EXOC2: variants seen among roughly 807,000 people sequenced by gnomAD.
EXOC2 encodes the protein SEC5-like 1.
In EXOC2, 70 loss-of-function variants were observed where a neutral mutation model predicts 131.8. The observed-to-expected ratio is 0.53, with a 90% CI of 0.44 to 0.65. The LOEUF is 0.65. Ranked by LOEUF, EXOC2 falls within the 30% of genes least tolerant of loss-of-function variation. The probability of loss-of-function intolerance (pLI) is 0.00; values close to 1 mark genes in which losing one functional copy is unlikely to be tolerated. For synonymous variants in EXOC2, 411 were observed against 398.4 expected, an observed-to-expected ratio of 1.03 and a Z score of -0.38; for missense variants, 923 against 1,108.6, an observed-to-expected ratio of 0.83 and a Z score of 2.38.
chr6:577,078 G>C (rs1315712496), intron 11 of EXOC2, among the ~76,000 whole-genome samples, 196 bp from the exon 12 acceptor site: 1 of 152,196 alleles, frequency 6.6e-6, no homozygotes, highest in East Asian at 1.9e-4. Context: ...GCAAAATTGG[G>C]TGGTGGTGGG....
intron 1 of EXOC2, chr6:656,566 TG>T: frequency 6.3e-7 from 1 of 1,592,656 alleles, no homozygotes; most frequent in Non-Finnish European, 8.5e-7. Flanking sequence ...TGCACCACGC[TG>T]CGAGCGCGGC....
At chr6:651,716 T>C (rs1762840144) in intron 1 of EXOC2, among the ~76,000 whole-genome samples, 1 of 151,368 alleles carries the variant, frequency 6.6e-6, no homozygotes, top group Non-Finnish European at 1.5e-5. Flanking sequence ...ACAGAAGTGC[T>C]CATGAGGGCA....
At chr6:599,603 T>C (rs1406864449) in intron 7 of EXOC2, among the ~76,000 whole-genome samples, 1 of 152,208 alleles carries the variant, frequency 6.6e-6, no homozygotes, top group Non-Finnish European at 1.5e-5. Flanking sequence ...CATACACGTG[T>C]ACATTAGCTA....
chr6:667,907 ATCCATCCG>A (rs1359503240), intron 1 of EXOC2, among the ~76,000 whole-genome samples: 3 of 138,438 alleles, frequency 2.2e-5, no homozygotes, highest in Non-Finnish European at 4.9e-5. Context: ...CCATCCATCC[ATCCATCCG>A]TCCATATCCT....
chr6:589,027 G>A (rs1413422696), intron 11 of EXOC2, among the ~76,000 whole-genome samples: 2 of 152,144 alleles, frequency 1.3e-5, no homozygotes, highest in African/African-American at 4.8e-5. Flanking sequence ...TCCATATGTT[G>A]TCTTCATAAA....
At chr6:618,559 C>A (rs886825340) in intron 5 of EXOC2, among the ~76,000 whole-genome samples, 1 of 152,206 alleles carries the variant, frequency 6.6e-6, no homozygotes, top group Non-Finnish European at 1.5e-5. Flanking sequence ...AATGTAAAAT[C>A]AGAATCATCT....
intron 5 of EXOC2, among the ~76,000 whole-genome samples, chr6:618,906 T>C (rs1432919261): frequency 1.3e-5 from 2 of 152,242 alleles, no homozygotes; most frequent in Non-Finnish European, 2.9e-5. Context: ...AGCTACAAAC[T>C]TGCTCTTGTA....
At chr6:646,171 A>G (rs1167330090) in intron 1 of EXOC2, among the ~76,000 whole-genome samples, 1 of 152,210 alleles carries the variant, frequency 6.6e-6, no homozygotes, top group East Asian at 1.9e-4. Flanking sequence ...TGGATTAGAC[A>G]GTATGGTACC....
chr6:515,619 C>T (rs1161122997), intron 23 of EXOC2, among the ~76,000 whole-genome samples: 3 of 151,448 alleles, frequency 2.0e-5, no homozygotes, highest in South Asian at 2.1e-4. Context: ...AATCATACAA[C>T]GATTTCCAAC....
chr6:530,998 G>A (rs992685960), intron 23 of EXOC2, among the ~76,000 whole-genome samples: 4 of 152,186 alleles, frequency 2.6e-5, no homozygotes, highest in Non-Finnish European at 4.4e-5. Flanking sequence ...GGTTACATGC[G>A]AATATGACAC....
At chr6:490,589 A>G (rs967787945) in intron 26 of EXOC2, among the ~76,000 whole-genome samples, 7 of 152,272 alleles carry the variant, frequency 4.6e-5, no homozygotes, top group African/African-American at 1.7e-4. Flanking sequence ...TTTGCATACG[A>G]CTTGGCTTCT....
chr6:616,702 A>G (rs1026305896), intron 6 of EXOC2, among the ~76,000 whole-genome samples: 5 of 151,582 alleles, frequency 3.3e-5, no homozygotes, highest in Non-Finnish European at 7.4e-5. Flanking sequence ...AGGTCAATTA[A>G]GTATATATGG....
intron 1 of EXOC2, among the ~76,000 whole-genome samples, chr6:658,645 T>TTATATATATATATATATATTTTA (rs1763254448): frequency 8.5e-6 from 1 of 118,342 alleles, no homozygotes; most frequent in Non-Finnish European, 1.7e-5. Context: ...TATATATATT[T>TTATATATATATATATATATTTTA]TATATATATA....
chr6:524,555 G>T (rs1373660846), intron 23 of EXOC2, among the ~76,000 whole-genome samples: 2 of 152,052 alleles, frequency 1.3e-5, no homozygotes, highest in South Asian at 4.1e-4. Context: ...TAATGTTCTT[G>T]TCACATTTTT....
chr6:487,044 C>G (rs890555613), intron 27 of EXOC2, among the ~76,000 whole-genome samples: 1 of 152,218 alleles, frequency 6.6e-6, no homozygotes, highest in Non-Finnish European at 1.5e-5. Flanking sequence ...GATGTTTGGG[C>G]CTATTCTTTT....
At chr6:547,423 G>A (rs191013465) in intron 22 of EXOC2, among the ~76,000 whole-genome samples, 2 of 152,350 alleles carry the variant, frequency 1.3e-5, no homozygotes, top group Non-Finnish European at 1.5e-5. Flanking sequence ...GTCCCCCTAT[G>A]AGAGACCCTC....
Position 486,130 on chromosome 6 carries a change from G to A in EXOC2, c.*541C>T, listed in dbSNP as rs551467919. The A allele has an allele frequency of 6.6e-6, 1 of 152,288 alleles. No individual in the cohort carries two copies. The highest frequency in any genetic ancestry group is 2.1e-4 in the South Asian group (1 of 4,820). 9.4% of individuals were successfully genotyped at this position (152,288 alleles called of 1,614,324 possible). A position where few individuals can be genotyped will look rare whatever the true frequency, so the allele number is the denominator to read the frequency against. ...CCCAGTTGTAATATGTATTTTAATG[G>A]AGACCATAAATTTTTCCAAAAACCC... On this transcript the variant is annotated 3_prime_UTR_variant, in exon 28 of 28. Coordinates refer to ENST00000230449, the MANE Select transcript of EXOC2 (RefSeq NM_018303.6).
intron 25 of EXOC2, 49 bp from the exon 26 acceptor site, chr6:491,235 A>C (rs2127468245): frequency 6.3e-7 from 1 of 1,577,258 alleles, no homozygotes; most frequent in Non-Finnish European, 8.7e-7. Flanking sequence ...TTATATTATC[A>C]AATATAAACA....
chr6:600,855 T>C (rs114947816), intron 7 of EXOC2, among the ~76,000 whole-genome samples: 2,099 of 152,290 alleles, frequency 0.014, 18 homozygotes, highest in Non-Finnish European at 0.022. Flanking sequence ...TACTGACAAA[T>C]TATAAGTTAT....
Sources: allele counts gnomAD v4.1 joint callset (sites outside exome capture counted in the v4.1 genomes callset), GRCh38; gene constraint gnomAD v4.1.1; transcripts MANE v1.5; gene names NCBI Gene and HGNC (gene_info 2026-07-23, HGNC 2026-07-21).